The following CREB5 variants were observed in gnomAD, a reference collection of about 807,000 sequenced individuals.
The protein encoded by CREB5 is cAMP responsive element binding protein 5.
Under a neutral mutation model 57.1 loss-of-function variants are expected in CREB5, and 19 were observed. The ratio of observed to expected loss-of-function variants is 0.33; its 90% confidence interval spans 0.23 to 0.49. The LOEUF (loss-of-function observed/expected upper bound fraction) is 0.49. CREB5 is among the 20% of genes least tolerant of loss of function. The pLI, the probability that CREB5 is intolerant of heterozygous loss-of-function variation, is 0.99. For synonymous variants in CREB5, 238 were observed against 238.3 expected (o/e 1.00, Z 0.01); for missense variants, 579 against 671.6 (o/e 0.86, Z 1.52).
At chr7:28,602,289 G>T (rs1020984595) in intron 5 of CREB5, among the ~76,000 whole-genome samples, 2 of 152,106 alleles carry the variant, frequency 1.3e-5, no homozygotes, top group African/African-American at 4.8e-5. Flanking sequence ...ACCACACCCG[G>T]CTAATTTTTG....
intron 5 of CREB5, among the ~76,000 whole-genome samples, chr7:28,571,808 G>A (rs1282212424): frequency 6.6e-6 from 1 of 152,218 alleles, no homozygotes; most frequent in African/African-American, 2.4e-5. Context: ...GGGTTCTTAG[G>A]AAGAAAAGGT....
intron 1 of CREB5, among the ~76,000 whole-genome samples, chr7:28,344,282 G>T (rs1381752676): frequency 4.6e-5 from 7 of 152,046 alleles, no homozygotes; most frequent in Non-Finnish European, 1.0e-4. Flanking sequence ...ATAGTTTTGA[G>T]TCTTACATTT....
chr7:28,560,827 C>CGTGT (rs1562797026), intron 4 of CREB5, among the ~76,000 whole-genome samples: 7 of 89,098 alleles, frequency 7.9e-5, no homozygotes, highest in Non-Finnish European at 1.4e-4. Context: ...TGTGTGCGCG[C>CGTGT]GCGCGCGTGT....
chr7:28,456,358 T>A (rs1359472602), intron 1 of CREB5, among the ~76,000 whole-genome samples: 1 of 152,230 alleles, frequency 6.6e-6, no homozygotes, highest in Non-Finnish European at 1.5e-5. Flanking sequence ...CAGCAGGCAT[T>A]TGCTGGTCAT....
At chr7:28,400,253 C>A (rs1238503071) in intron 1 of CREB5, among the ~76,000 whole-genome samples, 3 of 152,180 alleles carry the variant, frequency 2.0e-5, no homozygotes, top group Non-Finnish European at 4.4e-5. Context: ...ACCTGCGTGA[C>A]CTTATTCAAA....
intron 4 of CREB5, among the ~76,000 whole-genome samples, chr7:28,512,593 AG>A (rs1378707279): frequency 2.0e-5 from 3 of 152,156 alleles, no homozygotes; most frequent in Non-Finnish European, 4.4e-5. Flanking sequence ...GACTTAAAAA[AG>A]AAATTGCATA....
chr7:28,592,000 G>T (rs1489519661), intron 5 of CREB5, among the ~76,000 whole-genome samples: 10 of 152,110 alleles, frequency 6.6e-5, no homozygotes, highest in African/African-American at 1.9e-4. Flanking sequence ...CATGGTCATT[G>T]GTTCTGAAAT....
rs1786278614 is a variant in CREB5, at chr7:28,353,559, CG to C, written c.-25+54121del. On this transcript the variant is annotated intron_variant, in intron 1 of 9. Coordinates refer to the CREB5 transcript ENST00000396299. ...GAAGCAGCATACAAAAATGGGAGAA[CG>C]GGTCCAGGCGCGGTGGCTCACACCT... Among the ~76,000 whole-genome samples the C allele has an allele frequency of 1.3e-5, 2 of 152,012 alleles. 1 individual carries two copies. Among genetic ancestry groups the C allele is most frequent in the South Asian group, 4.2e-4 (2 of 4,818 alleles).
chr7:28,675,642 A>G (rs1468328045), intron 5 of CREB5, among the ~76,000 whole-genome samples: 1 of 152,208 alleles, frequency 6.6e-6, no homozygotes, highest in Non-Finnish European at 1.5e-5. Context: ...CTTTGTTAAA[A>G]TAACAGAAAC....
rs73083739 is a variant in CREB5, at chr7:28,668,111, C to T, written c.465-50642C>T. 1.8e-3 allele frequency among the ~76,000 whole-genome samples: 272 copies of T among 152,252 alleles called. 1 individual carries two copies. Among genetic ancestry groups the T allele is most frequent in the Non-Finnish European group, 3.2e-3 (219 of 68,012 alleles). On this transcript the variant is annotated intron_variant, in intron 5 of 10. Transcript: ENST00000357727. ...GTTAGGTTGTACCACGTTTAAGTCT[C>T]TTATAAACTCTACTTGTTTCAGGAC...
chr7:28,666,835 G>A (rs150989632), intron 5 of CREB5, among the ~76,000 whole-genome samples: 4 of 152,026 alleles, frequency 2.6e-5, no homozygotes, highest in Non-Finnish European at 5.9e-5. Flanking sequence ...TGGAGGCTGA[G>A]GCGGGAGGAT....
intron 1 of CREB5, among the ~76,000 whole-genome samples, chr7:28,437,899 T>C (rs561500676): frequency 1.1e-4 from 16 of 152,188 alleles, no homozygotes; most frequent in Non-Finnish European, 5.9e-5. Flanking sequence ...GAAAAGACGA[T>C]GGAGACATTT....
intron 7 of CREB5, among the ~76,000 whole-genome samples, chr7:28,788,873 A>G (rs73079967): frequency 0.047 from 7,151 of 151,268 alleles, 243 homozygotes; most frequent in Middle Eastern, 0.084. Flanking sequence ...GACGAGCCTC[A>G]GTACATCACA....
chr7:28,479,645 T>A (rs1242842510), intron 1 of CREB5, among the ~76,000 whole-genome samples: 1 of 152,194 alleles, frequency 6.6e-6, no homozygotes, highest in Non-Finnish European at 1.5e-5. Context: ...CATCGTGAGC[T>A]GTCTCAGGCT....
Position 28,439,364 on chromosome 7 carries a change from A to G in CREB5, c.3+26447A>G, listed in dbSNP as rs188787937. 6.6e-5 allele frequency among the ~76,000 whole-genome samples: 10 copies of G among 152,326 alleles called. No homozygotes were observed. The East Asian group carries it at 1.7e-3, about 26-fold the overall frequency. On this transcript the variant is annotated intron_variant, in intron 1 of 10. Transcript: ENST00000357727. ...AACCTGCTAGACTGAATTTTCCATC[A>G]TCCTTGCAAACTACCAGACCTTTCT... is the stretch of plus-strand genomic sequence containing the variant.
At chr7:28,410,430 C>A, upstream of CREB5, 1 of 456,746 alleles carries the variant, frequency 2.2e-6, no homozygotes, top group Non-Finnish European at 4.4e-6. Context: ...TTGAACTTTT[C>A]ACGAAGTTCT....
rs1795113431 is a variant in CREB5, at chr7:28,560,861, TGTGCCTGCGTGCGCGTGC to T, written c.292-9499_292-9482del. On this transcript the variant is annotated intron_variant, in intron 4 of 10. Coordinates refer to ENST00000357727, the MANE Select transcript of CREB5 (RefSeq NM_182898.4). ...GTGTGTGTGCGCGTGTGTGTGTGCG[TGTGCCTGCGTGCGCGTGC>T]GTGCGTGCGTGTGTGTGCGTGCGCG... is the stretch of plus-strand genomic sequence containing the variant. Among the ~76,000 whole-genome samples, 4 of 45,888 alleles carry T rather than the reference TGTGCCTGCGTGCGCGTGC, an allele frequency of 8.7e-5. 1 individual carries two copies. Among genetic ancestry groups the T allele is most frequent in the Non-Finnish European group, 4.6e-5 (1 of 21,568 alleles). The allele number at this position is 45,888 out of a possible 152,430, so 30.1% of individuals were successfully genotyped here. A position where few individuals can be genotyped will look rare whatever the true frequency, so the allele number is the denominator to read the frequency against.
chr7:28,594,076 A>T (rs1042078707), intron 5 of CREB5, among the ~76,000 whole-genome samples: 6 of 152,106 alleles, frequency 3.9e-5, no homozygotes, highest in Non-Finnish European at 8.8e-5. Context: ...GACTTTAGCA[A>T]ATACTCCCTC....
At chr7:28,778,053 T>G (rs1470761007) in intron 7 of CREB5, among the ~76,000 whole-genome samples, 1 of 152,222 alleles carries the variant, frequency 6.6e-6, no homozygotes, top group Non-Finnish European at 1.5e-5. Flanking sequence ...TTTTCCATAT[T>G]GTTTGTTGAT....
Sources: allele counts gnomAD v4.1 joint callset (sites outside exome capture counted in the v4.1 genomes callset), GRCh38; gene constraint gnomAD v4.1.1; transcripts MANE v1.5; gene names NCBI Gene and HGNC (gene_info 2026-07-23, HGNC 2026-07-21).